The following TBC1D8 variants were observed in gnomAD, a reference collection of about 807,000 sequenced individuals.
The protein encoded by TBC1D8 is TBC1 domain family member 8.
A neutral mutation model predicts 118.8 loss-of-function variants in TBC1D8; 65 were observed. That is an observed-to-expected ratio of 0.55 (90% CI 0.45 to 0.67). The LOEUF (loss-of-function observed/expected upper bound fraction) is 0.67, where lower values mean the gene tolerates loss of function less well. Ranked by LOEUF, TBC1D8 falls within the 30% of genes least tolerant of loss-of-function variation. The probability of loss-of-function intolerance (pLI) is 0.00; values close to 1 mark genes in which losing one functional copy is unlikely to be tolerated. For synonymous variants in TBC1D8, 566 were observed against 595.8 expected (o/e 0.95, Z 0.73); for missense variants, 1,376 against 1,471.2 (o/e 0.94, Z 1.06).
intron 3 of TBC1D8, among the ~76,000 whole-genome samples, chr2:101,058,417 A>G (rs1418110765): frequency 6.6e-6 from 1 of 152,232 alleles, no homozygotes; most frequent in Non-Finnish European, 1.5e-5. Context: ...AAGGGCTAGG[A>G]GGTTTTACCC....
intron 17 of TBC1D8, 89 bp from the exon 18 acceptor site, chr2:101,011,629 A>T: frequency 7.3e-7 from 1 of 1,375,714 alleles, no homozygotes; most frequent in Non-Finnish European, 1.0e-6. Flanking sequence ...ACTAAAGGCT[A>T]AGCCAGCAGC....
chr2:101,088,711 C>A (rs951747836), intron 2 of TBC1D8, among the ~76,000 whole-genome samples: 3 of 152,044 alleles, frequency 2.0e-5, no homozygotes, highest in African/African-American at 7.2e-5. Context: ...ATTGAGACTA[C>A]AGGTACACAC....
At chr2:101,090,674 G>C (rs1297730784) in intron 1 of TBC1D8, among the ~76,000 whole-genome samples, 2 of 152,196 alleles carry the variant, frequency 1.3e-5, no homozygotes, top group Non-Finnish European at 2.9e-5. Flanking sequence ...TAAATAAGCA[G>C]GGGCTCTGGA....
intron 10 of TBC1D8, 70 bp downstream of exon 10, chr2:101,033,474 G>A (rs1680796532): frequency 6.3e-7 from 1 of 1,581,802 alleles, no homozygotes; most frequent in Non-Finnish European, 8.7e-7. Context: ...GAATGCAAAT[G>A]AAACCCTGGG....
intron 2 of TBC1D8, among the ~76,000 whole-genome samples, chr2:101,071,331 C>A (rs1259878872): frequency 6.6e-6 from 1 of 151,518 alleles, no homozygotes; most frequent in Non-Finnish European, 1.5e-5. Flanking sequence ...GGCGACACAG[C>A]GAGACTCCGT....
At chr2:101,011,875 G>A (rs866313232) in intron 17 of TBC1D8, among the ~76,000 whole-genome samples, 4 of 152,266 alleles carry the variant, frequency 2.6e-5, no homozygotes, top group Middle Eastern at 6.8e-3. Context: ...ATATATCCAT[G>A]CACACATAAA....
intron 6 of TBC1D8, among the ~76,000 whole-genome samples, chr2:101,039,489 C>T (rs1393774585): frequency 1.3e-5 from 2 of 152,040 alleles, no homozygotes; most frequent in Non-Finnish European, 2.9e-5. Context: ...TGAGTTTTTC[C>T]AAAGAAGAAT....
intron 2 of TBC1D8, among the ~76,000 whole-genome samples, chr2:101,088,240 C>A (rs933749560): frequency 6.6e-6 from 1 of 152,072 alleles, no homozygotes; most frequent in Non-Finnish European, 1.5e-5. Flanking sequence ...GAGATAGATA[C>A]CTTCTTTGTA....
At chr2:101,015,003 C>A (rs767190279) in intron 17 of TBC1D8, among the ~76,000 whole-genome samples, 3 of 152,078 alleles carry the variant, frequency 2.0e-5, no homozygotes. Context: ...GAGAGGAATA[C>A]GTTCTGAGAA....
At chr2:101,117,796 C>T (rs914267642) in intron 1 of TBC1D8, among the ~76,000 whole-genome samples, 3 of 150,770 alleles carry the variant, frequency 2.0e-5, no homozygotes, top group Non-Finnish European at 2.9e-5. Context: ...AGGATGGTCT[C>T]GATCTCCTGA....
intron 17 of TBC1D8, chr2:101,018,928 C>A (rs1004883023): frequency 7.0e-6 from 11 of 1,573,408 alleles, no homozygotes; most frequent in Non-Finnish European, 9.5e-6. Flanking sequence ...ATGTCCTAAT[C>A]TTCTGGAATG....
Position 101,059,440 on chromosome 2 carries a change from A to G in TBC1D8, c.383T>C (p.Phe128Ser), listed in dbSNP as rs757947503. The change falls in exon 3 of 20, where the codon TTT (phenylalanine) becomes TCT (serine). Residue 128 changes from phenylalanine (F) to serine (S), a missense_variant. By Grantham distance (155) the Phe-to-Ser change is radical (BLOSUM62 -2). Transcript: ENST00000409318. Reference sequence around the variant, plus strand: ...ACCTACCTTTACCTTCCCTTTGACAAAACTGGCAATGTCATCTTTATTATC... The same window carrying G: ...ACCTACCTTTACCTTCCCTTTGACAGAACTGGCAATGTCATCTTTATTATC... ...VFDNKDDIAS[F>S]VKGKVKALIA... 1 of 1,613,836 alleles carries G rather than the reference A, an allele frequency of 6.2e-7. No individual in the cohort carries two copies. The highest frequency in any genetic ancestry group is 2.2e-5 in the East Asian group (1 of 44,868).
intron 2 of TBC1D8, among the ~76,000 whole-genome samples, chr2:101,087,632 A>G (rs1237032268): frequency 3.4e-5 from 5 of 145,496 alleles, no homozygotes; most frequent in Non-Finnish European, 1.5e-5. Context: ...AACAAAAGCA[A>G]GACTCTGTCT....
At chr2:101,017,105 T>C (rs984089622) in intron 17 of TBC1D8, among the ~76,000 whole-genome samples, 2 of 151,344 alleles carry the variant, frequency 1.3e-5, no homozygotes, top group African/African-American at 4.9e-5. Context: ...AACACGCACA[T>C]TAGCCTAGGC....
chr2:101,026,676 G>A (rs961071071), intron 15 of TBC1D8, among the ~76,000 whole-genome samples: 4 of 152,072 alleles, frequency 2.6e-5, no homozygotes, highest in Non-Finnish European at 2.9e-5. Context: ...CTTCCTCCCC[G>A]TCTCTGCCAG....
intron 1 of TBC1D8, among the ~76,000 whole-genome samples, chr2:101,138,399 C>G (rs1678950417): frequency 1.3e-5 from 2 of 152,192 alleles, no homozygotes; most frequent in African/African-American, 4.8e-5. Context: ...CAGATGCCAC[C>G]TGGGTGTTCT....
chr2:101,044,841 T>C (rs1681600537), intron 5 of TBC1D8, among the ~76,000 whole-genome samples: 1 of 152,212 alleles, frequency 6.6e-6, no homozygotes, highest in Non-Finnish European at 1.5e-5. Flanking sequence ...CTCCACATCC[T>C]GGGTTCATGG....
chr2:101,041,019 C>A (rs1471638843), intron 5 of TBC1D8, among the ~76,000 whole-genome samples: 3 of 152,204 alleles, frequency 2.0e-5, no homozygotes, highest in African/African-American at 7.2e-5. Context: ...GCTTAAGAAT[C>A]CAAGTTTCAA....
At chr2:101,029,948 G>C in intron 11 of TBC1D8, 172 bp from the exon 12 acceptor site, 1 of 611,020 alleles carries the variant, frequency 1.6e-6, no homozygotes, top group Non-Finnish European at 2.7e-6. Flanking sequence ...AATTCAATGG[G>C]TAAAAGATAG....
Sources: gnomAD v4.1 joint callset for allele counts (sites outside exome capture counted in the v4.1 genomes callset) on GRCh38, gnomAD v4.1.1 for gene constraint, MANE v1.5 for transcripts, NCBI Gene and HGNC (gene_info 2026-07-23, HGNC 2026-07-21) for gene names.